The following RSBN1L variants were observed in gnomAD, a reference collection of about 807,000 sequenced individuals.
The protein encoded by RSBN1L is lysine-specific demethylase RSBN1L.
In RSBN1L, 30 loss-of-function variants were observed where a neutral mutation model predicts 67.7. That is an observed-to-expected ratio of 0.44 (90% CI 0.33 to 0.60). RSBN1L has a LOEUF of 0.60. RSBN1L is among the 20% of genes least tolerant of loss of function. The pLI is 0.02. For synonymous variants in RSBN1L, 433 were observed against 387.0 expected, an observed-to-expected ratio of 1.12 and a Z score of -1.39; for missense variants, 992 against 1,031.7, an observed-to-expected ratio of 0.96 and a Z score of 0.53.
Position 77,779,205 on chromosome 7 carries a change from A to C in RSBN1L, c.*37A>C. 2 of 1,389,862 alleles carry C rather than the reference A, an allele frequency of 1.4e-6. No individual in the cohort carries two copies. Among genetic ancestry groups the C allele is most frequent in the Non-Finnish European group, 2.0e-6 (2 of 1,022,800 alleles). 86.1% of individuals were successfully genotyped at this position (1,389,862 alleles called of 1,614,324 possible). A position where few individuals can be genotyped will look rare whatever the true frequency, so the allele number is the denominator to read the frequency against. On this transcript the variant is annotated 3_prime_UTR_variant, in exon 8 of 8. Transcript: ENST00000334955. Reference sequence around the variant, plus strand: ...CCATCTAAAATCCTTTTTTAAAAAAATTTAATGTAATAAAGATTCATGAAT... The same window carrying C: ...CCATCTAAAATCCTTTTTTAAAAAACTTTAATGTAATAAAGATTCATGAAT...
At chr7:77,761,220 A>C (rs1791693724) in intron 3 of RSBN1L, among the ~76,000 whole-genome samples, 3 of 152,204 alleles carry the variant, frequency 2.0e-5, no homozygotes, top group Non-Finnish European at 4.4e-5. Flanking sequence ...CTGATGCCTT[A>C]GGGCAGCTGC....
intron 1 of RSBN1L, among the ~76,000 whole-genome samples, chr7:77,702,352 C>T (rs1362000053): frequency 6.6e-6 from 1 of 152,100 alleles, no homozygotes; most frequent in Non-Finnish European, 1.5e-5. Context: ...ATGGGTGCAA[C>T]GTTTTCTGTT....
intron 1 of RSBN1L, among the ~76,000 whole-genome samples, chr7:77,727,431 C>G (rs989599486): frequency 6.6e-6 from 1 of 152,150 alleles, no homozygotes; most frequent in Non-Finnish European, 1.5e-5. Flanking sequence ...AATGCTCATA[C>G]TACTTTTTTT....
chr7:77,773,343 AAG>A (rs1791870980), intron 6 of RSBN1L, 29 bp downstream of exon 6: 1 of 1,391,500 alleles, frequency 7.2e-7, no homozygotes, highest in Non-Finnish European at 9.5e-7. Context: ...ATTTTAATGA[AAG>A]AATTTCTTGG....
chr7:77,768,060 G>A (rs1791797415), intron 4 of RSBN1L, among the ~76,000 whole-genome samples: 1 of 150,596 alleles, frequency 6.6e-6, no homozygotes, highest in Admixed American at 6.6e-5. Flanking sequence ...TGCTGGCCAG[G>A]ACGGTCTCGA....
chr7:77,758,646 A>G (rs943415067), intron 3 of RSBN1L, among the ~76,000 whole-genome samples: 4 of 152,134 alleles, frequency 2.6e-5, no homozygotes. Context: ...GAGTGGCAAA[A>G]TCACATTGCA....
At chr7:77,751,306 A>G (rs1791553733) in intron 3 of RSBN1L, among the ~76,000 whole-genome samples, 1 of 152,038 alleles carries the variant, frequency 6.6e-6, no homozygotes, top group African/African-American at 2.4e-5. Flanking sequence ...TGCCTGGCTA[A>G]TTTTTGTATT....
rs778545599 is a variant in RSBN1L at position 77,778,699 on chromosome 7, A to G, written c.2072A>G (p.Lys691Arg). 2.5e-6 allele frequency: 4 copies of G among 1,614,082 alleles called. No homozygotes were observed. Among genetic ancestry groups the G allele is most frequent in the East Asian group, 2.2e-5 (1 of 44,866 alleles). ...AGTTTAGCATGGCATATTCGGCTCA[A>G]ATTATATCACTCAGAGGAGGACACT... Reference protein sequence around the residue: ...VCSLAWHIRLKLYHSEEDTSQ... With the variant: ...VCSLAWHIRLRLYHSEEDTSQ... Residue 691 changes from lysine (K) to arginine (R), a missense_variant, in exon 8 of 8, where the codon AAA (lysine) becomes AGA (arginine). Transcript: ENST00000334955.
rs1432979295 is a variant in RSBN1L, at chr7:77,736,472, A to G, written c.649A>G (p.Lys217Glu). 8.2e-7 allele frequency: 1 copy of G among 1,222,058 alleles called. No individual in the cohort carries two copies. The highest frequency in any genetic ancestry group is 1.6e-5 in the African/African-American group (1 of 64,030). 75.7% of individuals were successfully genotyped at this position (1,222,058 alleles called of 1,614,324 possible). Residue 217 changes from lysine to glutamate, a missense_variant, in exon 2 of 8, where the codon AAA (lysine) becomes GAA (glutamate). Physicochemically the swap from Lys to Glu is moderately conservative, Grantham distance 56. This residue lies in a region of RSBN1L where 575 missense variants were observed against 483.2 expected (regional missense o/e 1.19). Coordinates refer to ENST00000334955, the MANE Select transcript of RSBN1L (RefSeq NM_198467.3). ...KEKEREKKKHKVMNEIKKENG... is the reference protein window; with the variant it reads ...KEKEREKKKHEVMNEIKKENG... ...AAAAGAAAGAGAAAAAAAGAAACAT[A>G]AAGTAATGAATGAGATCAAGAAAGA... is the stretch of plus-strand genomic sequence containing the variant.
rs1197620040 is a variant in RSBN1L at position 77,779,539 on chromosome 7, T to TC, written c.*373dup. On this transcript the variant is annotated 3_prime_UTR_variant, in exon 8 of 8. Transcript: ENST00000334955. ...AGCTTTTCCATAGAGCTTATTTATA[T>TC]CCTTTTTTTTCATTTTAAATGTGTC... The TC allele has an allele frequency of 4.0e-5, 6 of 150,544 alleles. No homozygotes were observed. Among genetic ancestry groups the TC allele is most frequent in the African/African-American group, 1.2e-4 (5 of 41,080 alleles). 9.3% of individuals were successfully genotyped at this position (150,544 alleles called of 1,614,324 possible). A position where few individuals can be genotyped will look rare whatever the true frequency, so the allele number is the denominator to read the frequency against.
chr7:77,779,298 T>C lies in RSBN1L; in HGVS notation c.*130T>C. The C allele has an allele frequency of 3.0e-6, 2 of 675,614 alleles. No individual in the cohort carries two copies. The highest frequency in any genetic ancestry group is 2.7e-5 in the East Asian group (1 of 36,396). The allele number at this position is 675,614 out of a possible 1,614,324, so 41.9% of individuals were successfully genotyped here. On this transcript the variant is annotated 3_prime_UTR_variant, in exon 8 of 8. Transcript: ENST00000334955. ...ACATAGTTTATGTAGCTTTGTAACA[T>C]TCCTCAGTGCCTGTCCATAACTGTG... is the stretch of plus-strand genomic sequence containing the variant.
intron 3 of RSBN1L, among the ~76,000 whole-genome samples, chr7:77,760,718 C>T (rs1002660445): frequency 3.9e-5 from 6 of 152,172 alleles, no homozygotes; most frequent in African/African-American, 9.7e-5. Flanking sequence ...CTGCAACCTC[C>T]GCCTCCTGGG....
intron 2 of RSBN1L, among the ~76,000 whole-genome samples, chr7:77,740,130 T>A (rs1791390014): frequency 6.6e-6 from 1 of 152,146 alleles, no homozygotes; most frequent in Admixed American, 6.5e-5. Flanking sequence ...GAAAACCTTA[T>A]AAAAGTTTAT....
intron 5 of RSBN1L, among the ~76,000 whole-genome samples, chr7:77,769,540 G>C (rs1791817040): frequency 6.6e-6 from 1 of 152,200 alleles, no homozygotes; most frequent in South Asian, 2.1e-4. Context: ...GAATAAAATT[G>C]TTTAAGCCTG....
intron 3 of RSBN1L, among the ~76,000 whole-genome samples, chr7:77,751,416 A>G (rs1584295817): frequency 6.6e-6 from 1 of 152,342 alleles, no homozygotes; most frequent in East Asian, 1.9e-4. Flanking sequence ...TGGGGATTAC[A>G]GGCGTGAGCC....
chr7:77,764,779 G>A (rs141476041), intron 3 of RSBN1L, among the ~76,000 whole-genome samples: 3 of 151,728 alleles, frequency 2.0e-5, no homozygotes, highest in African/African-American at 4.8e-5. Flanking sequence ...GGCGCGCGCC[G>A]GCCACCACAC....
chr7:77,778,922 A>G lies in RSBN1L; in HGVS notation c.2295A>G (p.Glu765=), dbSNP rs1291005193. Residue 765 remains glutamate, a synonymous_variant, in exon 8 of 8, where the codon GAA becomes GAG. Coordinates refer to ENST00000334955, the MANE Select transcript of RSBN1L (RefSeq NM_198467.3). The part of the protein sequence containing the change: ...EPIASVRIKE[E]PVNVNIPEKT... ...TTGCATCTGTAAGAATCAAGGAAGAACCTGTGAATGTTAATATTCCTGAAA... is the reference window on the plus strand; with the variant it reads ...TTGCATCTGTAAGAATCAAGGAAGAGCCTGTGAATGTTAATATTCCTGAAA... The G allele has an allele frequency of 1.9e-6, 3 of 1,613,964 alleles. No homozygotes were observed. Among genetic ancestry groups the G allele is most frequent in the Non-Finnish European group, 2.5e-6 (3 of 1,179,958 alleles).
At chr7:77,767,058 TCCCTTTCCCCTTCCCTTC>T (rs1273888091) in intron 4 of RSBN1L, among the ~76,000 whole-genome samples, 2 of 127,160 alleles carry the variant, frequency 1.6e-5, no homozygotes, top group Non-Finnish European at 3.3e-5. Flanking sequence ...CCCTTCCCCT[TCCCTTTCCCCTTCCCTTC>T]CCCTTCCCCT....
At chr7:77,742,900 C>CTTATGGA (rs1260858700) in intron 2 of RSBN1L, among the ~76,000 whole-genome samples, 1 of 152,158 alleles carries the variant, frequency 6.6e-6, no homozygotes, top group African/African-American at 2.4e-5. Flanking sequence ...AAGACTCTTA[C>CTTATGGA]TTATGGAATG....
Sources: gnomAD v4.1 joint callset for allele counts (sites outside exome capture counted in the v4.1 genomes callset) on GRCh38, gnomAD v4.1.1 for gene constraint, gnomAD v4.1.1 regional missense constraint, MANE v1.5 for transcripts, NCBI Gene and HGNC (gene_info 2026-07-23, HGNC 2026-07-21) for gene names.